KHDRBS3: variants seen among roughly 807,000 people sequenced by gnomAD.
KHDRBS3 encodes the protein KH domain-containing, RNA-binding, signal transduction-associated protein 3.
In KHDRBS3, 23 loss-of-function variants were observed where a neutral mutation model predicts 45.6. That is an observed-to-expected ratio of 0.50 (90% CI 0.36 to 0.72). The LOEUF (loss-of-function observed/expected upper bound fraction) is 0.72, where lower values mean the gene tolerates loss of function less well. Among genes scored for constraint, KHDRBS3 ranks in the 30% least tolerant of loss-of-function variants. The pLI is 0.00. For synonymous variants in KHDRBS3, 162 were observed against 156.5 expected (o/e 1.04, Z -0.26); for missense variants, 352 against 424.8 (o/e 0.83, Z 1.51).
At chr8:135,655,116 T>C (rs1244401866) in intron 4 of KHDRBS3, among the ~76,000 whole-genome samples, 1 of 152,206 alleles carries the variant, frequency 6.6e-6, no homozygotes, top group Non-Finnish European at 1.5e-5. Context: ...ATTCAAGAAA[T>C]ATTTATTGGT....
At chr8:135,559,302 G>A in intron 5 of KHDRBS3, among the ~76,000 whole-genome samples, 1 of 152,080 alleles carries the variant, frequency 6.6e-6, no homozygotes, top group Non-Finnish European at 1.5e-5. Flanking sequence ...TGTGATAGGA[G>A]CTTGTACATT....
intron 1 of KHDRBS3, among the ~76,000 whole-genome samples, chr8:135,499,266 GT>G (rs932777964): frequency 6.6e-6 from 1 of 152,160 alleles, no homozygotes. Flanking sequence ...TTTGTTTTCT[GT>G]TTTAGCTCCT....
intron 6 of KHDRBS3, among the ~76,000 whole-genome samples, chr8:135,585,885 T>C (rs7014091): frequency 0.057 from 8,716 of 152,274 alleles, 319 homozygotes; most frequent in African/African-American, 0.1. Context: ...AGATGAAGAT[T>C]ACCATTGATT....
intron 4 of KHDRBS3, among the ~76,000 whole-genome samples, chr8:135,556,767 TG>T (rs1481742852): frequency 6.6e-6 from 1 of 152,208 alleles, no homozygotes; most frequent in Non-Finnish European, 1.5e-5. Context: ...AGCTGATGAT[TG>T]TTGAATGGAG....
intron 4 of KHDRBS3, among the ~76,000 whole-genome samples, chr8:135,654,834 C>G (rs929083265): frequency 6.6e-6 from 1 of 152,242 alleles, no homozygotes; most frequent in Non-Finnish European, 1.5e-5. Flanking sequence ...CTAGCACTCC[C>G]CTGCACGGGC....
intron 6 of KHDRBS3, among the ~76,000 whole-genome samples, chr8:135,582,771 G>A (rs368748562): frequency 1.8e-4 from 28 of 152,300 alleles, no homozygotes; most frequent in African/African-American, 6.3e-4. Flanking sequence ...TGAAAGGGAA[G>A]CAGTAACAAT....
intron 6 of KHDRBS3, among the ~76,000 whole-genome samples, chr8:135,585,243 A>G (rs984738410): frequency 4.6e-5 from 7 of 151,580 alleles, no homozygotes; most frequent in African/African-American, 1.5e-4. Flanking sequence ...AAAAAAAAAA[A>G]AAAAGAAAAA....
At chr8:135,587,923 G>T (rs997057976) in intron 6 of KHDRBS3, among the ~76,000 whole-genome samples, 2 of 152,086 alleles carry the variant, frequency 1.3e-5, no homozygotes, top group African/African-American at 2.4e-5. Context: ...CTAAACACTT[G>T]CATGTTATTA....
At chr8:135,475,862 A>G (rs752968918) in intron 1 of KHDRBS3, among the ~76,000 whole-genome samples, 10 of 152,166 alleles carry the variant, frequency 6.6e-5, no homozygotes, top group Non-Finnish European at 8.8e-5. Flanking sequence ...TGACTGATGC[A>G]GTGTCACATG....
rs147698011 is a variant in KHDRBS3, at chr8:135,643,429, A to G, written c.891-1630A>G. ...CAGGGCATGCTGTCGTGGGAAACCA[A>G]CCTCACTCAGGGATACCAGCAAGGT... On this transcript the variant is annotated intron_variant, in intron 7 of 8. Coordinates refer to ENST00000355849, the MANE Select transcript of KHDRBS3 (RefSeq NM_006558.3). 3.7e-4 allele frequency among the ~76,000 whole-genome samples: 56 copies of G among 152,270 alleles called. 2 individuals carry two copies. The East Asian group carries it at 8.3e-3, about 23-fold the overall frequency.
chr8:135,592,383 T>G (rs1828786369), intron 6 of KHDRBS3, among the ~76,000 whole-genome samples: 1 of 152,192 alleles, frequency 6.6e-6, no homozygotes, highest in South Asian at 2.1e-4. Context: ...CCCGTCCAAG[T>G]TAGTTGAGCT....
intron 4 of KHDRBS3, among the ~76,000 whole-genome samples, chr8:135,556,305 C>T (rs563826312): frequency 2.6e-5 from 4 of 152,254 alleles, no homozygotes; most frequent in East Asian, 3.9e-4. Flanking sequence ...CTTGAGGAAA[C>T]GCCACACTGT....
chr8:135,585,680 C>T (rs905547472), intron 6 of KHDRBS3, among the ~76,000 whole-genome samples: 10 of 152,124 alleles, frequency 6.6e-5, no homozygotes, highest in Non-Finnish European at 1.5e-4. Context: ...TTTTATGTAA[C>T]ATAGTATTTA....
intron 3 of KHDRBS3, among the ~76,000 whole-genome samples, chr8:135,543,826 C>T (rs1441314685): frequency 2.6e-5 from 4 of 152,226 alleles, no homozygotes; most frequent in African/African-American, 4.8e-5. Context: ...CGTATATTTT[C>T]GACAGCATTG....
intron 5 of KHDRBS3, among the ~76,000 whole-genome samples, chr8:135,578,940 A>G (rs1828073256): frequency 6.6e-6 from 1 of 151,004 alleles, no homozygotes; most frequent in South Asian, 2.1e-4. Context: ...AAAACATGCA[A>G]TTTTTTTTTG....
chr8:135,571,984 A>T (rs1048300382), intron 5 of KHDRBS3, among the ~76,000 whole-genome samples: 2 of 152,332 alleles, frequency 1.3e-5, no homozygotes, highest in South Asian at 2.1e-4. Flanking sequence ...ATTCGATACT[A>T]AAAACTGAAT....
intron 6 of KHDRBS3, among the ~76,000 whole-genome samples, chr8:135,590,359 C>T (rs1828690520): frequency 6.6e-6 from 1 of 152,178 alleles, no homozygotes; most frequent in South Asian, 2.1e-4. Flanking sequence ...CCTCCTTTCT[C>T]TTCAGAGTGA....
chr8:135,644,335 C>T (rs1402680610), intron 7 of KHDRBS3, among the ~76,000 whole-genome samples: 1 of 152,172 alleles, frequency 6.6e-6, no homozygotes, highest in East Asian at 1.9e-4. Context: ...TTTGCCTGTA[C>T]TTTGAAAAGA....
At chr8:135,612,695 T>G (rs1246460883) in intron 7 of KHDRBS3, among the ~76,000 whole-genome samples, 1 of 151,782 alleles carries the variant, frequency 6.6e-6, no homozygotes, top group African/African-American at 2.4e-5. Flanking sequence ...CCTTTTAGAG[T>G]ACAAAGCTGT....
Sources: allele counts gnomAD v4.1 joint callset (sites outside exome capture counted in the v4.1 genomes callset), GRCh38; gene constraint gnomAD v4.1.1; transcripts MANE v1.5; gene names NCBI Gene and HGNC (gene_info 2026-07-23, HGNC 2026-07-21).